Variants in DSCAML1 observed in about 807,000 individuals in gnomAD.
The protein encoded by DSCAML1 is DS cell adhesion molecule like 1.
DSCAML1 carries 38 observed loss-of-function variants against 200.5 expected under a neutral mutation model. The ratio of observed to expected loss-of-function variants is 0.19; its 90% CI spans 0.15 to 0.25. The LOEUF (loss-of-function observed/expected upper bound fraction) is 0.25. DSCAML1 is among the 10% of genes least tolerant of loss of function. The probability of loss-of-function intolerance (pLI) is 1.00; values close to 1 mark genes in which losing one functional copy is unlikely to be tolerated. For synonymous variants in DSCAML1, 1,215 were observed against 1,165.0 expected, an observed-to-expected ratio of 1.04 and a Z score of -0.87; for missense variants, 2,223 against 2,858.8, an observed-to-expected ratio of 0.78 and a Z score of 5.07.
intron 22 of DSCAML1, 35 bp downstream of exon 22, chr11:117,439,784 G>T: frequency 1.0e-5 from 16 of 1,590,108 alleles, no homozygotes; most frequent in Non-Finnish European, 1.4e-5. Context: ...TCCCTCTTTG[G>T]GGCCACCCCA....
At chr11:117,439,979 G>A (rs770498892) in intron 21 of DSCAML1, 43 bp from the exon 22 acceptor site, 1 of 1,536,812 alleles carries the variant, frequency 6.5e-7, no homozygotes, top group South Asian at 1.1e-5. Context: ...TTCTACCCCT[G>A]CACAATATCC....
chr11:117,549,629 C>T (rs1474960242), intron 3 of DSCAML1, among the ~76,000 whole-genome samples: 1 of 152,338 alleles, frequency 6.6e-6, no homozygotes, highest in Non-Finnish European at 1.5e-5. Flanking sequence ...GCGTGATAAA[C>T]GATTGCTCTC....
At chr11:117,512,344 C>G (rs2049641718) in intron 8 of DSCAML1, among the ~76,000 whole-genome samples, 4 of 152,180 alleles carry the variant, frequency 2.6e-5, no homozygotes, top group Admixed American at 2.6e-4. Context: ...CCACCCCCCT[C>G]CTTGGGTAGT....
At chr11:117,701,554 C>T (rs570575994) in intron 3 of DSCAML1, among the ~76,000 whole-genome samples, 4 of 152,286 alleles carry the variant, frequency 2.6e-5, no homozygotes, top group South Asian at 2.1e-4. Context: ...AGCTGGCTGC[C>T]GGCTGGGGAA....
At chr11:117,479,931 A>C (rs1057398567) in intron 14 of DSCAML1, among the ~76,000 whole-genome samples, 6 of 152,146 alleles carry the variant, frequency 3.9e-5, no homozygotes, top group African/African-American at 1.4e-4. Flanking sequence ...TACAGGTATG[A>C]GCCACTGCGC....
At chr11:117,805,101 C>T (rs2055698581) in intron 1 of DSCAML1, among the ~76,000 whole-genome samples, 1 of 152,302 alleles carries the variant, frequency 6.6e-6, no homozygotes, top group Non-Finnish European at 1.5e-5. Context: ...GGACCACTAT[C>T]CCACGAACTT....
Position 117,642,531 on chromosome 11 carries a change from G to A in DSCAML1, c.512-110009C>T, listed in dbSNP as rs2052433390. Among the ~76,000 whole-genome samples the A allele has an allele frequency of 6.6e-6, 1 of 152,236 alleles. No homozygotes were observed. Among genetic ancestry groups the A allele is most frequent in the African/African-American group, 2.4e-5 (1 of 41,464 alleles). On this transcript the variant is annotated intron_variant, in intron 3 of 32. Transcript: ENST00000651296. The surrounding 1 kb of genome is among the most constrained non-coding windows in gnomAD (Gnocchi z 4.1). ...CACAAAGGTGGCTGCTGGGAGAGCA[G>A]GGGCACCAGGTGCCTGGCGAGGGGC...
intron 3 of DSCAML1, among the ~76,000 whole-genome samples, chr11:117,585,254 T>G (rs572834522): frequency 6.6e-6 from 1 of 152,190 alleles, no homozygotes; most frequent in East Asian, 1.9e-4. Flanking sequence ...TCTGCTATTT[T>G]TTTTCTTTTT....
At chr11:117,477,297 C>T (rs2048813431) in intron 14 of DSCAML1, among the ~76,000 whole-genome samples, 1 of 149,324 alleles carries the variant, frequency 6.7e-6, no homozygotes, top group African/African-American at 2.5e-5. Flanking sequence ...TCACCTAATA[C>T]AGTTTGTGGC....
At chr11:117,726,177 C>T (rs1367368830) in intron 3 of DSCAML1, among the ~76,000 whole-genome samples, 1 of 152,116 alleles carries the variant, frequency 6.6e-6, no homozygotes, top group East Asian at 1.9e-4. Flanking sequence ...CTTCTTTGAG[C>T]CTCAGTTTCC....
chr11:117,437,110 C>G lies in DSCAML1; in HGVS notation c.4720+12G>C, dbSNP rs1484383933. 4 of 1,608,514 alleles carry G rather than the reference C, an allele frequency of 2.5e-6. No homozygotes were observed. The South Asian group carries it at 4.4e-5, about 18-fold the overall frequency. ...CAGCCTCTGTACCATCCCTTCCACC[C>G]TTGCGACTCACTGCCATCGTAGTCC... On this transcript the variant is annotated intron_variant, in intron 26 of 32. Transcript: ENST00000651296. The surrounding 1 kb of genome is among the most constrained non-coding windows in gnomAD (Gnocchi z 5.3).
In DSCAML1 at chr11:117,518,506, C is replaced by T. The variant is rs983295300; in HGVS notation, c.1470G>A (p.Leu490=). The part of the protein sequence containing the change: ...GGVYRCTARN[L]VGSAEYQARI... ...GCGCCTGATATTCAGCACTGCCCAC[C>T]AAGTTCCGCGCTGTGCACCGGTACA... Residue 490 remains leucine (L), a synonymous_variant, in exon 7 of 33, where the codon TTG becomes TTA. Transcript: ENST00000651296. This position sits in a 1 kb window ranked among gnomAD's most constrained non-coding sequence, Gnocchi z 6.3. The T allele has an allele frequency of 3.7e-6, 6 of 1,614,234 alleles. No individual in the cohort carries two copies. Among genetic ancestry groups the T allele is most frequent in the Non-Finnish European group, 5.1e-6 (6 of 1,180,036 alleles).
intron 3 of DSCAML1, among the ~76,000 whole-genome samples, chr11:117,654,144 T>G (rs183324561): frequency 1.3e-5 from 2 of 152,244 alleles, no homozygotes; most frequent in African/African-American, 4.8e-5. Context: ...ATATCCAAAA[T>G]AGGCAAATCT....
rs745380218 is a variant in DSCAML1 at position 117,504,210 on chromosome 11, C to T, written c.2183-189G>A. Among the ~76,000 whole-genome samples, 1 of 152,214 alleles carries T rather than the reference C, an allele frequency of 6.6e-6. No individual in the cohort carries two copies. The highest frequency in any genetic ancestry group is 1.5e-5 in the Non-Finnish European group (1 of 68,032). On this transcript the variant is annotated intron_variant, in intron 10 of 32. Transcript: ENST00000651296. The surrounding 1 kb of genome is among the most constrained non-coding windows in gnomAD (Gnocchi z 5.0). ...CAGGAAAGACCCCCCCACCAGAGGACTGGCCTTGCCCCAGCTCTGATGCAA... is the reference window on the plus strand; with the variant it reads ...CAGGAAAGACCCCCCCACCAGAGGATTGGCCTTGCCCCAGCTCTGATGCAA...
chr11:117,724,290 G>C (rs1168335239), intron 3 of DSCAML1, among the ~76,000 whole-genome samples: 1 of 152,174 alleles, frequency 6.6e-6, no homozygotes, highest in Non-Finnish European at 1.5e-5. Flanking sequence ...TGGTCTGATT[G>C]GGTCCTCGTC....
chr11:117,502,343 C>T (rs914781528), intron 11 of DSCAML1, among the ~76,000 whole-genome samples: 13 of 152,190 alleles, frequency 8.5e-5, no homozygotes, highest in African/African-American at 1.9e-4. Context: ...ACAACAACAG[C>T]GAAAAAGCAT....
In DSCAML1 at chr11:117,481,255, G is replaced by C; in HGVS notation, c.2575C>G (p.Arg859Gly). 1 of 1,613,766 alleles carries C rather than the reference G, an allele frequency of 6.2e-7. No homozygotes were observed. The highest frequency in any genetic ancestry group is 8.5e-7 in the Non-Finnish European group (1 of 1,179,978). The change falls in exon 13 of 33, where the codon CGT (arginine) becomes GGT (glycine). Residue 859 changes from arginine (R) to glycine (G), a missense_variant. Transcript: ENST00000651296. ...CAGCTGAAGAACACAGAGTCCCCAC[G>C]GTCAGCGGGCTTGAGCTGGGAGACC... ...VSTLKLKPADRGDSVFFSCHA... is the reference protein window; with the variant it reads ...VSTLKLKPADGGDSVFFSCHA...
Position 117,443,883 on chromosome 11 carries a change from C to T in DSCAML1, c.3862+3G>A, listed in dbSNP as rs1342870934. 8 of 1,599,228 alleles carry T rather than the reference C, an allele frequency of 5.0e-6. No individual in the cohort carries two copies. Among genetic ancestry groups the T allele is most frequent in the Middle Eastern group, 1.7e-4 (1 of 6,042 alleles). ...CCCTCTGCCACAGCCTCAGGCTTCT[C>T]ACCCTTGCCAGCAGGCTCGATGGTC... On this transcript the variant is annotated splice_donor_region_variant and intron_variant, in intron 21 of 32. Coordinates refer to ENST00000651296, the MANE Select transcript of DSCAML1 (RefSeq NM_020693.4).
intron 3 of DSCAML1, among the ~76,000 whole-genome samples, chr11:117,707,366 G>T (rs188504736): frequency 4.6e-5 from 7 of 152,214 alleles, no homozygotes; most frequent in Non-Finnish European, 7.4e-5. Flanking sequence ...GTGAATGGTC[G>T]CGAAGGTCCC....
Sources: gnomAD v4.1 joint callset for allele counts (sites outside exome capture counted in the v4.1 genomes callset) on GRCh38, gnomAD v4.1.1 for gene constraint, Gnocchi (gnomAD v3.1) non-coding constraint, MANE v1.5 for transcripts, NCBI Gene and HGNC (gene_info 2026-07-23, HGNC 2026-07-21) for gene names.